SPDYA: variants seen among roughly 807,000 people sequenced by gnomAD.
SPDYA encodes the protein speedy/RINGO cell cycle regulator family member A.
Under a neutral mutation model 36.7 loss-of-function variants are expected in SPDYA, and 11 were observed. The ratio of observed to expected loss-of-function variants is 0.30; its 90% confidence interval spans 0.19 to 0.50. The LOEUF (loss-of-function observed/expected upper bound fraction) is 0.50, where lower values mean the gene tolerates loss of function less well. SPDYA is among the 20% of genes least tolerant of loss of function. The pLI, the probability that SPDYA is intolerant of heterozygous loss-of-function variation, is 0.98. For missense variants in SPDYA, 287 were observed against 370.9 expected (o/e 0.77, Z 1.86); for synonymous variants, 115 against 118.7 (o/e 0.97, Z 0.20).
At position 28,826,618 on chromosome 2, in the gene SPDYA, T is replaced by C. The variant is rs1347857143; in HGVS notation, c.381-2530T>C. On this transcript the variant is annotated intron_variant, in intron 5 of 7. Coordinates refer to ENST00000334056, the MANE Select transcript of SPDYA (RefSeq NM_182756.4). ...CTTTTTCTTTCTTTCTCTCTTTTTT[T>C]TTTTTTTTTTTTTTTTTTGAGACAG... Among the ~76,000 whole-genome samples the C allele has an allele frequency of 1.7e-3, 215 of 126,452 alleles. 1 individual carries two copies. Among genetic ancestry groups the C allele is most frequent in the Non-Finnish European group, 2.4e-3 (145 of 59,666 alleles). 83.0% of individuals were successfully genotyped at this position (126,452 alleles called of 152,430 possible).
At chr2:28,828,998 A>T in intron 5 of SPDYA, 150 bp from the exon 6 acceptor site, 1 of 608,350 alleles carries the variant, frequency 1.6e-6, no homozygotes, top group Non-Finnish European at 2.8e-6. Flanking sequence ...AAAATTAACT[A>T]CATGTATCTC....
chr2:28,828,685 G>A (rs2148090737), intron 5 of SPDYA, among the ~76,000 whole-genome samples: 1 of 152,314 alleles, frequency 6.6e-6, no homozygotes, highest in East Asian at 1.9e-4. Context: ...TCTGAGGAAA[G>A]ATGTTAAGAA....
In SPDYA at chr2:28,812,469, AAAAG is replaced by A. The variant is rs70956046; in HGVS notation, c.-93+1542_-93+1545del. Among the ~76,000 whole-genome samples the A allele has an allele frequency of 7.1e-3, 1,057 of 149,262 alleles. 8 individuals are homozygous for A. The highest frequency in any genetic ancestry group is 0.024 in the African/African-American group (992 of 40,580). ...TTTTTGTGATTTACTTACCAAAAAAAAAAGAAAGAAAGAAAGAAAGAAAATCCCA... is the reference window on the plus strand; with the variant it reads ...TTTTTGTGATTTACTTACCAAAAAAAAAAGAAAGAAAGAAAGAAAATCCCA... On this transcript the variant is annotated intron_variant, in intron 1 of 7. Transcript: ENST00000334056.
chr2:28,839,089 T>G (rs772351348), intron 6 of SPDYA, among the ~76,000 whole-genome samples: 4 of 152,212 alleles, frequency 2.6e-5, no homozygotes, highest in Non-Finnish European at 5.9e-5. Flanking sequence ...CACTATGTGA[T>G]GATTTTACTC....
intron 6 of SPDYA, among the ~76,000 whole-genome samples, chr2:28,835,049 ATTTG>A (rs1668560310): frequency 6.6e-6 from 1 of 151,676 alleles, no homozygotes; most frequent in Admixed American, 6.6e-5. Context: ...TTTATTTTGC[ATTTG>A]TTTGTTTTGT....
intron 6 of SPDYA, among the ~76,000 whole-genome samples, chr2:28,834,354 A>G (rs1668542625): frequency 6.6e-6 from 1 of 152,218 alleles, no homozygotes; most frequent in African/African-American, 2.4e-5. Flanking sequence ...ATGATCCAGC[A>G]AGTCTAGTCC....
intron 7 of SPDYA, among the ~76,000 whole-genome samples, chr2:28,843,854 T>A (rs779270623): frequency 6.6e-6 from 1 of 152,168 alleles, no homozygotes; most frequent in Non-Finnish European, 1.5e-5. Flanking sequence ...ACTACTATTG[T>A]TTCTCCTTAC....
At position 28,819,844 on chromosome 2, in the gene SPDYA, AAAAAAATATATATATATATATATATATAT is replaced by A. The variant is rs1176296523; in HGVS notation, c.294+740_294+768del. 6.9e-4 allele frequency among the ~76,000 whole-genome samples: 25 copies of A among 36,116 alleles called. 1 individual carries two copies. Among genetic ancestry groups the A allele is most frequent in the East Asian group, 6.1e-3 (7 of 1,156 alleles). 23.7% of individuals were successfully genotyped at this position (36,116 alleles called of 152,430 possible). A position where few individuals can be genotyped will look rare whatever the true frequency, so the allele number is the denominator to read the frequency against. On this transcript the variant is annotated intron_variant, in intron 4 of 7. Transcript: ENST00000334056. ...TTAAAAAAAAAAAAAAAAAAAAAAA[AAAAAAATATATATATATATATATATATAT>A]ATATATATATATATATATATATATA...
At chr2:28,814,955 C>T (rs1234592415) in intron 2 of SPDYA, among the ~76,000 whole-genome samples, 3 of 152,104 alleles carry the variant, frequency 2.0e-5, no homozygotes, top group African/African-American at 7.2e-5. Context: ...TAATCAGTCA[C>T]TCAAATAGCT....
At chr2:28,829,391 G>T in intron 6 of SPDYA, 72 bp downstream of exon 6, 1 of 1,409,290 alleles carries the variant, frequency 7.1e-7, no homozygotes, top group Non-Finnish European at 9.6e-7. Context: ...GTTTTTTAAT[G>T]TGCTTCTAAT....
rs1572514519 is a variant in SPDYA, at chr2:28,840,602, T to C, written c.850+133T>C. On this transcript the variant is annotated intron_variant, in intron 7 of 7. Transcript: ENST00000334056. ...GAGTTAAATTAATCTTGAAACTTTC[T>C]CCCCTTTCAGTTACTTTTTGTCTTG... 5.0e-6 allele frequency: 7 copies of C among 1,413,430 alleles called. No individual in the cohort carries two copies. In the East Asian group the frequency reaches 1.8e-4, roughly 37 times the overall value. The allele number at this position is 1,413,430 out of a possible 1,614,324, so 87.6% of individuals were successfully genotyped here. A position where few individuals can be genotyped will look rare whatever the true frequency, so the allele number is the denominator to read the frequency against.
chr2:28,829,354 TTGTTTTC>T, intron 6 of SPDYA, 35 bp downstream of exon 6: 1 of 1,569,832 alleles, frequency 6.4e-7, no homozygotes, highest in Non-Finnish European at 8.6e-7. Flanking sequence ...TATGTAATCT[TTGTTTTC>T]TGTTTATCTT....
intron 1 of SPDYA, among the ~76,000 whole-genome samples, chr2:28,812,857 CAAAAAAAAA>C (rs70956047): frequency 2.4e-5 from 2 of 84,048 alleles, no homozygotes; most frequent in Admixed American, 1.5e-4. Flanking sequence ...AACTCCGTCT[CAAAAAAAAA>C]AAAAAAAAAA....
intron 7 of SPDYA, among the ~76,000 whole-genome samples, chr2:28,841,219 C>G (rs756152463): frequency 6.6e-6 from 1 of 152,104 alleles, no homozygotes; most frequent in Non-Finnish European, 1.5e-5. Flanking sequence ...CGGACACGAG[C>G]TACCGCACCC....
chr2:28,811,846 C>T lies in SPDYA; in HGVS notation c.-93+899C>T, dbSNP rs560429727. Among the ~76,000 whole-genome samples, 2 of 152,016 alleles carry T rather than the reference C, an allele frequency of 1.3e-5. No homozygotes were observed. Among genetic ancestry groups the T allele is most frequent in the South Asian group, 4.2e-4 (2 of 4,812 alleles). On this transcript the variant is annotated intron_variant, in intron 1 of 7. Transcript: ENST00000334056. The surrounding 1 kb of genome is among the most constrained non-coding windows in gnomAD (Gnocchi z 4.2). ...TGGCGGGCGCCTGTAATCCCAGCTC[C>T]TCGGGAGGCTGAGGCGGGAGAATCG...
chr2:28,817,710 G>T (rs529904439), intron 3 of SPDYA, among the ~76,000 whole-genome samples: 27 of 151,420 alleles, frequency 1.8e-4, no homozygotes, highest in Non-Finnish European at 1.5e-5. Context: ...ACCCCATCAG[G>T]CGTGGTGGTG....
At position 28,822,319 on chromosome 2, in the gene SPDYA, T is replaced by C; in HGVS notation, c.295-6T>C. 1 of 1,452,472 alleles carries C rather than the reference T, an allele frequency of 6.9e-7. No homozygotes were observed. Among genetic ancestry groups the C allele is most frequent in the Non-Finnish European group, 9.4e-7 (1 of 1,068,648 alleles). 90.0% of individuals were successfully genotyped at this position (1,452,472 alleles called of 1,614,324 possible). A position where few individuals can be genotyped will look rare whatever the true frequency, so the allele number is the denominator to read the frequency against. On this transcript the variant is annotated splice_polypyrimidine_tract_variant and splice_region_variant and intron_variant, in intron 4 of 7. Coordinates refer to ENST00000334056, the MANE Select transcript of SPDYA (RefSeq NM_182756.4). ...TAATATTAATTTTTAACTTTTTTCCTTATAGTATCTTTTGGCTATGACCTT... is the reference window on the plus strand; with the variant it reads ...TAATATTAATTTTTAACTTTTTTCCCTATAGTATCTTTTGGCTATGACCTT...
chr2:28,832,249 T>C (rs1226309535), intron 6 of SPDYA, among the ~76,000 whole-genome samples: 1 of 152,214 alleles, frequency 6.6e-6, no homozygotes, highest in Non-Finnish European at 1.5e-5. Context: ...GGTTAATTTG[T>C]ATTCCTCAAT....
intron 7 of SPDYA, among the ~76,000 whole-genome samples, chr2:28,847,877 T>C (rs1668920860): frequency 6.6e-6 from 1 of 152,154 alleles, no homozygotes. Context: ...TTTTCTATGT[T>C]TAGATACACA....
Sources: allele counts gnomAD v4.1 joint callset (sites outside exome capture counted in the v4.1 genomes callset), GRCh38; gene constraint gnomAD v4.1.1; non-coding constraint Gnocchi (gnomAD v3.1); transcripts MANE v1.5; gene names NCBI Gene and HGNC (gene_info 2026-07-23, HGNC 2026-07-21).